ZNF600: variants seen among roughly 807,000 people sequenced by gnomAD.
ZNF600 encodes zinc finger protein 600.
ZNF600 carries 4 observed loss-of-function variants against 7.3 expected under a neutral mutation model. The ratio of observed to expected loss-of-function variants is 0.55; its 90% confidence interval spans 0.27 to 1.25. The LOEUF (loss-of-function observed/expected upper bound fraction) is 1.25, where lower values mean the gene tolerates loss of function less well. Among genes scored for constraint, ZNF600 ranks in the 50% most tolerant of loss-of-function variants. The pLI is 0.12. For missense variants in ZNF600, 911 were observed against 922.1 expected (o/e 0.99, Z 0.16); for synonymous variants, 290 against 308.9 (o/e 0.94, Z 0.64).
chr19:52,793,897 A>G, the ZNF600 span, among the ~76,000 whole-genome samples: 2 of 152,214 alleles, frequency 1.3e-5, no homozygotes, highest in African/African-American at 4.8e-5. Context: ...ATTTACAAAT[A>G]AAGGAATTTA....
the ZNF600 span, chr19:52,799,472 T>G: frequency 1.1e-6 from 1 of 916,246 alleles, no homozygotes; most frequent in Non-Finnish European, 1.7e-6. Flanking sequence ...TATGATGACG[T>G]GCAAGGGTTG....
At chr19:52,819,225 A>C in the ZNF600 span, among the ~76,000 whole-genome samples, 5 of 134,530 alleles carry the variant, frequency 3.7e-5, no homozygotes, top group Non-Finnish European at 7.9e-5. Context: ...CTGTGGAGCC[A>C]AAGTGAAGAG....
At chr19:52,766,851 T>C in exon 4 of ZNF600, 1 of 1,614,204 alleles carries the variant, frequency 6.2e-7, no homozygotes, top group Non-Finnish European at 8.5e-7. Context: ...TTCACATTTG[T>C]AAGGTTTCTC....
At chr19:52,766,250 C>G in exon 4 of ZNF600, 1 of 1,613,852 alleles carries the variant, frequency 6.2e-7, no homozygotes, top group Non-Finnish European at 8.5e-7. Context: ...TCTTGCTGCA[C>G]TCATTACACT....
exon 4 of ZNF600, chr19:52,767,390 T>A (rs2062594279): frequency 6.2e-7 from 1 of 1,614,142 alleles, no homozygotes; most frequent in Non-Finnish European, 8.5e-7. Flanking sequence ...TTTGGGATGT[T>A]GAAACCGAGG....
the ZNF600 span, among the ~76,000 whole-genome samples, chr19:52,833,294 CCT>C: frequency 1.3e-5 from 2 of 152,182 alleles, no homozygotes; most frequent in Non-Finnish European, 2.9e-5. Context: ...GGGCCCACAC[CCT>C]GTGTCCATCC....
intron 1 of ZNF600, 99 bp from the exon 3 acceptor site, chr19:52,781,154 C>T (rs2062717799): frequency 1.5e-5 from 2 of 137,058 alleles, no homozygotes; most frequent in African/African-American, 6.4e-5. Context: ...TCATCTTGTG[C>T]TTCTTTTTTT....
intron 3 of ZNF600, among the ~76,000 whole-genome samples, chr19:52,768,054 A>C (rs181557907): frequency 6.6e-6 from 1 of 152,246 alleles, no homozygotes; most frequent in Admixed American, 6.5e-5. Flanking sequence ...CTGTGACCCT[A>C]AAGTGTATCA....
the ZNF600 span, chr19:52,810,045 C>T: frequency 9.5e-6 from 7 of 738,020 alleles, no homozygotes; most frequent in East Asian, 1.3e-4. Flanking sequence ...GCTCCAGCCC[C>T]GCGCCCCATG....
At chr19:52,816,490 C>G in the ZNF600 span, among the ~76,000 whole-genome samples, 1 of 145,196 alleles carries the variant, frequency 6.9e-6, no homozygotes, top group Non-Finnish European at 1.5e-5. Flanking sequence ...CGGTGAAACC[C>G]CGTCTCTACT....
At chr19:52,803,929 C>T in the ZNF600 span, among the ~76,000 whole-genome samples, 1 of 152,164 alleles carries the variant, frequency 6.6e-6, no homozygotes, top group East Asian at 1.9e-4. Flanking sequence ...TGCATTCCAG[C>T]CTGGGCAACA....
chr19:52,801,001 G>C, the ZNF600 span: 3 of 1,614,060 alleles, frequency 1.9e-6, no homozygotes. Context: ...GATGTATTGT[G>C]ACCAAAGATC....
At chr19:52,800,725 G>A in the ZNF600 span, 118 of 1,612,236 alleles carry the variant, frequency 7.3e-5, 1 homozygote, top group Non-Finnish European at 9.3e-5. Flanking sequence ...TGAAGCCTAC[G>A]ATGGCGTGCA....
the ZNF600 span, among the ~76,000 whole-genome samples, chr19:52,827,693 C>T: frequency 4.0e-5 from 6 of 151,754 alleles, no homozygotes; most frequent in Non-Finnish European, 7.4e-5. Context: ...TACAGGCACC[C>T]GCCACCACGC....
upstream of ZNF600, among the ~76,000 whole-genome samples, chr19:52,789,969 G>A (rs1020596110): frequency 1.3e-5 from 2 of 152,100 alleles, no homozygotes; most frequent in East Asian, 1.9e-4. Flanking sequence ...GGGTAGGAGT[G>A]GGGGTCACAA....
the ZNF600 span, among the ~76,000 whole-genome samples, chr19:52,817,329 G>A: frequency 0.59 from 88,797 of 151,686 alleles, 27,209 homozygotes; most frequent in Non-Finnish European, 0.69. Context: ...CTGAGATCAC[G>A]CCATTGCACT....
At chr19:52,771,530 G>C (rs1417654225) in intron 3 of ZNF600, among the ~76,000 whole-genome samples, 1 of 151,966 alleles carries the variant, frequency 6.6e-6, no homozygotes, top group Non-Finnish European at 1.5e-5. Flanking sequence ...CTGGAGTGCA[G>C]TGGCGCAATC....
the ZNF600 span, among the ~76,000 whole-genome samples, chr19:52,802,591 C>T: frequency 2.0e-5 from 3 of 151,838 alleles, no homozygotes; most frequent in Non-Finnish European, 2.9e-5. Context: ...TCAGGATAAT[C>T]GCTTGAACTT....
chr19:52,832,090 G>GTTACATGCGTGGTGATGCACACCTC, the ZNF600 span, among the ~76,000 whole-genome samples: 12 of 151,832 alleles, frequency 7.9e-5, no homozygotes, highest in Admixed American at 1.3e-4. Flanking sequence ...ACATCACAGT[G>GTTACATGCGTGGTGATGCACACCTC]TAATCCCAGC....
Sources: allele counts gnomAD v4.1 joint callset (sites outside exome capture counted in the v4.1 genomes callset), GRCh38; gene constraint gnomAD v4.1.1; transcripts MANE v1.5; gene names NCBI Gene and HGNC (gene_info 2026-07-23, HGNC 2026-07-21).